The following MPP1 variants were observed in gnomAD, a reference collection of about 807,000 sequenced individuals.
MPP1 encodes MAGUK p55 scaffold protein 1.
Under a neutral mutation model 38.2 loss-of-function variants are expected in MPP1, and 6 were observed. That is an observed-to-expected ratio of 0.16 (90% CI 0.09 to 0.31). The LOEUF is 0.31. MPP1 is among the 10% of genes least tolerant of loss of function. The pLI, the probability that MPP1 is intolerant of heterozygous loss-of-function variation, is 1.00. For synonymous variants in MPP1, 153 were observed against 146.3 expected (o/e 1.05, Z -0.33); for missense variants, 293 against 368.9 (o/e 0.79, Z 1.69).
rs912344791 is a variant in MPP1, at chrX:154,799,933, G to T, written c.102+5339C>A. The T allele has an allele frequency of 1.8e-5, 20 of 1,089,859 alleles. No individual in the cohort carries two copies. In the African/African-American group the frequency reaches 3.1e-4, roughly 17 times the overall value. The allele number at this position is 1,089,859 out of a possible 1,213,427, so 89.8% of individuals were successfully genotyped here. A position where few individuals can be genotyped will look rare whatever the true frequency, so the allele number is the denominator to read the frequency against. ...GAGATGAAAAACAAACTTGGCGGGGGGCGGGCGGTGGCGGGGGTGAATAGA... is the reference window on the plus strand; with the variant it reads ...GAGATGAAAAACAAACTTGGCGGGGTGCGGGCGGTGGCGGGGGTGAATAGA... On this transcript the variant is annotated intron_variant, in intron 1 of 11. Coordinates refer to ENST00000369534, the MANE Select transcript of MPP1 (RefSeq NM_002436.4).
At chrX:154,780,974 T>C (rs184265728) in intron 11 of MPP1, among the ~76,000 whole-genome samples, 3 of 112,333 alleles carry the variant, frequency 2.7e-5, no homozygotes, top group African/African-American at 6.5e-5. Context: ...CAACTGTCCA[T>C]CTCTGCCCCT....
At chrX:154,785,292 C>A in intron 6 of MPP1, 135 bp from the exon 7 acceptor site, 2 of 481,481 alleles carry the variant, frequency 4.2e-6, no homozygotes, top group Non-Finnish European at 6.8e-6. Context: ...GTGCAAAGCA[C>A]CCCATACACT....
intron 7 of MPP1, 149 bp downstream of exon 7, chrX:154,784,902 T>C (rs781788832): frequency 2.1e-5 from 12 of 558,295 alleles, no homozygotes; most frequent in Admixed American, 8.0e-5. Flanking sequence ...ATGGATTCAA[T>C]AAAAAGAAAC....
chrX:154,787,752 G>A (rs1449025528), intron 5 of MPP1, among the ~76,000 whole-genome samples: 1 of 111,840 alleles, frequency 8.9e-6, no homozygotes, highest in Non-Finnish European at 1.9e-5. Flanking sequence ...GATTACAGGC[G>A]CATGCCACCA....
At position 154,781,894 on chromosome X, in the gene MPP1, G is replaced by A. The variant is rs1603429865; in HGVS notation, c.947-92C>T. 9 of 889,103 alleles carry A rather than the reference G, an allele frequency of 1.0e-5. No individual in the cohort carries two copies. The East Asian group carries it at 2.8e-4, about 28-fold the overall frequency. 73.3% of individuals were successfully genotyped at this position (889,103 alleles called of 1,213,427 possible). The stretch of plus-strand genomic sequence containing the variant: ...TGGTGTCTGTATGGAAACCCTAGCT[G>A]CCTTTGGTGCATTGACTTTAATACA... On this transcript the variant is annotated intron_variant, in intron 9 of 11. Coordinates refer to ENST00000369534, the MANE Select transcript of MPP1 (RefSeq NM_002436.4).
Position 154,781,304 on chromosome X carries a change from T to A in MPP1, c.1159A>T (p.Ile387Phe), listed in dbSNP as rs2071992372. 1 of 1,195,084 alleles carries A rather than the reference T, an allele frequency of 8.4e-7. No individual in the cohort carries two copies. Residue 387 changes from isoleucine to phenylalanine, a missense_variant, in exon 11 of 12, where the codon ATT (isoleucine) becomes TTT (phenylalanine). Coordinates refer to ENST00000369534, the MANE Select transcript of MPP1 (RefSeq NM_002436.4). The part of the protein sequence containing the change: ...ILDIEPQTLK[I>F]VRTAELSPFI... ...GGCGAAAGTTCTGCTGTCCGAACAA[T>A]TTTCAGGGTCTAGAAAAAAAAAAGA... is the stretch of plus-strand genomic sequence containing the variant.
At chrX:154,798,487 T>C (rs950813750) in intron 1 of MPP1, among the ~76,000 whole-genome samples, 6 of 112,504 alleles carry the variant, frequency 5.3e-5, no homozygotes, top group Non-Finnish European at 7.5e-5. Context: ...AAAGGCATTA[T>C]CCTGACTGAA....
At chrX:154,801,780 A>C (rs1384696047) in intron 1 of MPP1, among the ~76,000 whole-genome samples, 19 of 88,715 alleles carry the variant, frequency 2.1e-4, no homozygotes, top group African/African-American at 6.6e-4. Context: ...AAAAAAAAAA[A>C]AAAAAACAAA....
intron 1 of MPP1, among the ~76,000 whole-genome samples, chrX:154,793,206 T>C (rs996019220): frequency 8.9e-6 from 1 of 112,218 alleles, no homozygotes; most frequent in Admixed American, 9.5e-5. Flanking sequence ...GAGATAAGCA[T>C]AGATTTAGTA....
chrX:154,803,496 C>T (rs965684731), intron 1 of MPP1, among the ~76,000 whole-genome samples: 22 of 112,477 alleles, frequency 2.0e-4, no homozygotes, highest in African/African-American at 7.1e-4. Flanking sequence ...GTGACAGGGC[C>T]TCTTTTCAAA....
Position 154,786,505 on chromosome X carries a change from AG to A in MPP1, c.481-106del, listed in dbSNP as rs1303853085. 3.3e-5 allele frequency: 24 copies of A among 733,937 alleles called. No individual in the cohort carries two copies. The Admixed American group carries it at 7.1e-4, about 22-fold the overall frequency. 60.5% of individuals were successfully genotyped at this position (733,937 alleles called of 1,213,427 possible). A position where few individuals can be genotyped will look rare whatever the true frequency, so the allele number is the denominator to read the frequency against. ...ATGGGGTCAGGATGGAATGAACAAC[AG>A]GGAGGTAAGAATGGTGGGGGAGCAC... On this transcript the variant is annotated intron_variant, in intron 5 of 11. Coordinates refer to ENST00000369534, the MANE Select transcript of MPP1 (RefSeq NM_002436.4).
Position 154,784,029 on chromosome X carries a change from G to A in MPP1, c.864C>T (p.Ile288=), listed in dbSNP as rs782576183. The part of the protein sequence containing the change: ...PAFKRKTLVL[I]GASGVGRSHI... ...GCAAATGGGGCAATGAGAAGATACC[G>A]ATCAGCACCAGGGTCTTCCTCTTGA... The change falls in exon 8 of 12, where the codon ATC becomes ATT. Residue 288 remains isoleucine, a splice_region_variant and synonymous_variant. Transcript: ENST00000369534. The A allele has an allele frequency of 3.3e-6, 4 of 1,207,788 alleles. No homozygotes were observed. The highest frequency in any genetic ancestry group is 4.5e-6 in the Non-Finnish European group (4 of 892,539).
chrX:154,792,550 A>G (rs782648872), intron 1 of MPP1: 22 of 279,850 alleles, frequency 7.9e-5, no homozygotes, highest in Non-Finnish European at 1.1e-4. Flanking sequence ...AAAAATAAAT[A>G]AAATAGACAT....
intron 5 of MPP1, among the ~76,000 whole-genome samples, chrX:154,789,214 C>T (rs1253089605): frequency 8.9e-6 from 1 of 111,991 alleles, no homozygotes; most frequent in Non-Finnish European, 1.9e-5. Flanking sequence ...GCAATAGAAA[C>T]TTCAGATTTA....
intron 6 of MPP1, among the ~76,000 whole-genome samples, chrX:154,785,388 CT>C (rs1415905875): frequency 4.5e-5 from 5 of 110,656 alleles, no homozygotes; most frequent in Non-Finnish European, 9.5e-5. Context: ...TCAGCACATT[CT>C]GGACACAACC....
chrX:154,791,071 G>A lies in MPP1; in HGVS notation c.326-3C>T. The A allele has an allele frequency of 1.7e-6, 2 of 1,202,616 alleles. No individual in the cohort carries two copies. The highest frequency in any genetic ancestry group is 2.2e-6 in the Non-Finnish European group (2 of 889,037). ...CTCATCCCCCACGTGAAGGGAGCCT[G>A]CCATGAAATGAAAAATCAATCCACA... On this transcript the variant is annotated splice_polypyrimidine_tract_variant and splice_region_variant and intron_variant, in intron 3 of 11. Transcript: ENST00000369534.
intron 1 of MPP1, chrX:154,799,876 G>A: frequency 8.7e-7 from 1 of 1,148,986 alleles, no homozygotes; most frequent in Non-Finnish European, 1.2e-6. Flanking sequence ...AAGGGCAGAG[G>A]CAGTTGCTCA....
Position 154,784,058 on chromosome X carries a change from C to T in MPP1, c.835G>A (p.Ala279Thr). The change falls in exon 8 of 12, where the codon GCA becomes ACA. Residue 279 changes from alanine (A) to threonine (T), a missense_variant. Coordinates refer to ENST00000369534, the MANE Select transcript of MPP1 (RefSeq NM_002436.4). ...VSYEEVVRLP[A>T]FKRKTLVLIG... ...AGCACCAGGGTCTTCCTCTTGAATGCAGGGAGCCGAACGACTTCCTCGTAG... is the reference window on the plus strand; with the variant it reads ...AGCACCAGGGTCTTCCTCTTGAATGTAGGGAGCCGAACGACTTCCTCGTAG... 1 of 1,210,299 alleles carries T rather than the reference C, an allele frequency of 8.3e-7. No individual in the cohort carries two copies. Among genetic ancestry groups the T allele is most frequent in the Non-Finnish European group, 1.1e-6 (1 of 894,762 alleles).
intron 4 of MPP1, 57 bp downstream of exon 4, chrX:154,790,926 T>C: frequency 9.4e-7 from 1 of 1,065,329 alleles, no homozygotes; most frequent in Non-Finnish European, 1.3e-6. Flanking sequence ...GATACCAATG[T>C]GGATCAACAC....
Sources: gnomAD v4.1 joint callset for allele counts (sites outside exome capture counted in the v4.1 genomes callset) on GRCh38, gnomAD v4.1.1 for gene constraint, MANE v1.5 for transcripts, NCBI Gene and HGNC (gene_info 2026-07-23, HGNC 2026-07-21) for gene names.